The following TUT4 variants were observed in gnomAD, a reference collection of about 807,000 sequenced individuals.
The protein encoded by TUT4 is terminal uridylyltransferase 4.
In TUT4, 36 loss-of-function variants were observed where a neutral mutation model predicts 192.2. That is an observed-to-expected ratio of 0.19 (90% CI 0.14 to 0.25). The LOEUF (loss-of-function observed/expected upper bound fraction) is 0.25. Among genes scored for constraint, TUT4 ranks in the 10% least tolerant of loss-of-function variants. TUT4 has a pLI of 1.00. For synonymous variants in TUT4, 618 were observed against 666.0 expected, an observed-to-expected ratio of 0.93 and a Z score of 1.11; for missense variants, 1,493 against 1,957.2, an observed-to-expected ratio of 0.76 and a Z score of 4.47.
intron 27 of TUT4, chr1:52,433,622 A>T (rs1467341018): frequency 2.6e-5 from 4 of 152,206 alleles, no homozygotes; most frequent in Non-Finnish European, 5.9e-5. Flanking sequence ...AAAAGTGAGG[A>T]CTAGTAGCAT....
intron 28 of TUT4, among the ~76,000 whole-genome samples, chr1:52,428,465 A>C (rs1331976541): frequency 6.6e-6 from 1 of 151,926 alleles, no homozygotes; most frequent in Non-Finnish European, 1.5e-5. Context: ...CGTCTCTACT[A>C]AAATACAAAA....
intron 24 of TUT4, among the ~76,000 whole-genome samples, chr1:52,442,702 T>A (rs906150561): frequency 6.6e-6 from 1 of 152,158 alleles, no homozygotes; most frequent in East Asian, 1.9e-4. Flanking sequence ...AACACTGACA[T>A]AATGAAGATA....
chr1:52,460,966 G>T, intron 19 of TUT4, 168 bp downstream of exon 19: 2 of 422,440 alleles, frequency 4.7e-6, no homozygotes, highest in Non-Finnish European at 4.1e-6. Context: ...AAAAGACAGA[G>T]CCACCCTACT....
At chr1:52,551,514 A>T (rs1463814197) in intron 1 of TUT4, among the ~76,000 whole-genome samples, 1 of 152,252 alleles carries the variant, frequency 6.6e-6, no homozygotes, top group Non-Finnish European at 1.5e-5. Flanking sequence ...ATCTTTAAAA[A>T]TTTGTTTATA....
At chr1:52,495,850 G>A (rs1672325181) in intron 5 of TUT4, among the ~76,000 whole-genome samples, 1 of 152,104 alleles carries the variant, frequency 6.6e-6, no homozygotes, top group South Asian at 2.1e-4. Flanking sequence ...TATGGCTACT[G>A]TCACAAACTA....
intron 26 of TUT4, among the ~76,000 whole-genome samples, chr1:52,435,911 G>GTC (rs143687198): frequency 0.011 from 1,580 of 147,912 alleles, 13 homozygotes; most frequent in Middle Eastern, 0.014. Context: ...CTCTCTCTAT[G>GTC]TCTCTCTCTC....
At position 52,504,522 on chromosome 1, in the gene TUT4, C is replaced by A. The variant is rs374072669; in HGVS notation, c.999+5074G>T. On this transcript the variant is annotated intron_variant, in intron 4 of 29. Coordinates refer to ENST00000257177, the MANE Select transcript of TUT4 (RefSeq NM_001009881.3). ...GCATGCACTTGTAATCCCAGCTACT[C>A]GGGAGGCTGAAGCAGAAGAACTGCT... Among the ~76,000 whole-genome samples, 3 of 152,106 alleles carry A rather than the reference C, an allele frequency of 2.0e-5. No individual in the cohort carries two copies. In the South Asian group the frequency reaches 6.2e-4, roughly 32 times the overall value.
chr1:52,516,037 C>T lies in TUT4; in HGVS notation c.736G>A (p.Glu246Lys), dbSNP rs2149366762. Residue 246 changes from glutamate (E) to lysine (K), a missense_variant, in exon 3 of 30, where the codon GAA (glutamate) becomes AAA (lysine). Around this residue, in one of 7 missense-constraint regions of TUT4, gnomAD observed 437 missense variants for 577.6 expected, o/e 0.76. Coordinates refer to ENST00000257177, the MANE Select transcript of TUT4 (RefSeq NM_001009881.3). ...TCTGAAGAATTTTCTTTATTAGATT[C>T]ATCATTCTTCATTTTACCTAGAAAA... ...SDDLSKMKND[E>K]SNKENSSEMD... is the part of the protein sequence containing the mutation. The T allele has an allele frequency of 6.2e-7, 1 of 1,612,762 alleles. No homozygotes were observed. Among genetic ancestry groups the T allele is most frequent in the African/African-American group, 1.3e-5 (1 of 74,924 alleles).
intron 14 of TUT4, 33 bp from the exon 15 acceptor site, chr1:52,468,300 GA>G (rs1212365979): frequency 1.1e-5 from 16 of 1,478,428 alleles, no homozygotes; most frequent in Non-Finnish European, 1.1e-5. Flanking sequence ...AAAGGAAAAA[GA>G]AAAGTAAGGA....
At chr1:52,457,694 T>C (rs927351734) in intron 20 of TUT4, among the ~76,000 whole-genome samples, 2 of 152,220 alleles carry the variant, frequency 1.3e-5, no homozygotes, top group African/African-American at 2.4e-5. Context: ...ATCTACTTTG[T>C]GCCAAGAATC....
intron 4 of TUT4, among the ~76,000 whole-genome samples, chr1:52,502,632 T>TTTTTTTA (rs1674471792): frequency 6.8e-6 from 1 of 146,438 alleles, no homozygotes; most frequent in African/African-American, 2.6e-5. Flanking sequence ...TTTTTTTTTT[T>TTTTTTTA]GAGATGGGAT....
intron 16 of TUT4, chr1:52,463,184 C>G: frequency 5.1e-6 from 5 of 983,104 alleles, no homozygotes; most frequent in Non-Finnish European, 6.0e-6. Flanking sequence ...TATACAAACC[C>G]TTAGTGATTA....
chr1:52,523,320 T>G (rs1305913884), intron 2 of TUT4, among the ~76,000 whole-genome samples: 1 of 150,832 alleles, frequency 6.6e-6, no homozygotes, highest in African/African-American at 2.4e-5. Context: ...CACCACTATT[T>G]ACTGGCCCGG....
chr1:52,428,440 T>A (rs1650751366), intron 28 of TUT4, among the ~76,000 whole-genome samples: 1 of 152,006 alleles, frequency 6.6e-6, no homozygotes, highest in African/African-American at 2.4e-5. Flanking sequence ...CAGCTTGACC[T>A]ACATAGTGAA....
intron 1 of TUT4, among the ~76,000 whole-genome samples, chr1:52,550,705 G>C (rs1283735437): frequency 6.6e-6 from 1 of 151,978 alleles, no homozygotes; most frequent in South Asian, 2.1e-4. Context: ...ATGCTGCTCA[G>C]ACTGATATCA....
chr1:52,542,632 A>C (rs1053105340), intron 1 of TUT4, among the ~76,000 whole-genome samples: 1 of 152,226 alleles, frequency 6.6e-6, no homozygotes, highest in African/African-American at 2.4e-5. Flanking sequence ...AAACTACTTC[A>C]ATATAATAAA....
At chr1:52,468,449 G>A in intron 14 of TUT4, 182 bp from the exon 15 acceptor site, 1 of 492,386 alleles carries the variant, frequency 2.0e-6, no homozygotes, top group Non-Finnish European at 3.5e-6. Flanking sequence ...GAAAAAAACT[G>A]TTTTTCTGTT....
At chr1:52,529,065 G>C (rs1183174440) in intron 1 of TUT4, among the ~76,000 whole-genome samples, 1 of 151,928 alleles carries the variant, frequency 6.6e-6, no homozygotes, top group Non-Finnish European at 1.5e-5. Flanking sequence ...TGCTTTTCCA[G>C]AGTAATACTG....
At chr1:52,483,244 T>C (rs2148989309) in intron 9 of TUT4, among the ~76,000 whole-genome samples, 1 of 152,336 alleles carries the variant, frequency 6.6e-6, no homozygotes. Flanking sequence ...TTTTCTAAAT[T>C]GCCTATTAAA....
Sources: allele counts gnomAD v4.1 joint callset (sites outside exome capture counted in the v4.1 genomes callset), GRCh38; gene constraint gnomAD v4.1.1; regional missense constraint gnomAD v4.1.1; transcripts MANE v1.5; gene names NCBI Gene and HGNC (gene_info 2026-07-23, HGNC 2026-07-21).